SIM1: variants seen among roughly 807,000 people sequenced by gnomAD.
The protein encoded by SIM1 is single-minded homolog 1.
Under a neutral mutation model 78.2 loss-of-function variants are expected in SIM1, and 18 were observed. The observed-to-expected ratio is 0.23, with a 90% confidence interval of 0.16 to 0.34. The LOEUF (loss-of-function observed/expected upper bound fraction) is 0.34. Among genes scored for constraint, SIM1 ranks in the 10% least tolerant of loss-of-function variants. The probability of loss-of-function intolerance (pLI) is 1.00; values close to 1 mark genes in which losing one functional copy is unlikely to be tolerated. For missense variants in SIM1, 939 were observed against 975.1 expected, an observed-to-expected ratio of 0.96 and a Z score of 0.49; for synonymous variants, 417 against 385.2, an observed-to-expected ratio of 1.08 and a Z score of -0.97.
intron 9 of SIM1, among the ~76,000 whole-genome samples, chr6:100,421,840 C>G (rs1228911117): frequency 1.3e-5 from 2 of 152,094 alleles, no homozygotes; most frequent in African/African-American, 4.8e-5. Flanking sequence ...CACTGGCAGC[C>G]AAAATAAAAT....
At chr6:100,441,558 A>G (rs1772217076) in intron 9 of SIM1, among the ~76,000 whole-genome samples, 2 of 152,252 alleles carry the variant, frequency 1.3e-5, no homozygotes, top group South Asian at 4.1e-4. Context: ...AAAACATAAA[A>G]TGTTAAATCT....
At chr6:100,401,184 ACAAACT>A (rs1446568694) in intron 10 of SIM1, among the ~76,000 whole-genome samples, 6 of 152,186 alleles carry the variant, frequency 3.9e-5, no homozygotes, top group Non-Finnish European at 8.8e-5. Context: ...GAATAAGCAC[ACAAACT>A]CAAACTGAAG....
At chr6:100,393,981 A>G (rs1400703851) in intron 10 of SIM1, 92 bp from the exon 11 acceptor site, 2 of 1,330,800 alleles carry the variant, frequency 1.5e-6, no homozygotes, top group African/African-American at 2.9e-5. Flanking sequence ...TATTTACTCT[A>G]CAAGCACCCT....
chr6:100,435,657 CA>C (rs1318673796), intron 9 of SIM1, among the ~76,000 whole-genome samples: 1 of 151,602 alleles, frequency 6.6e-6, no homozygotes, highest in Non-Finnish European at 1.5e-5. Context: ...AAAAAAGAAG[CA>C]AAAAAAATTA....
intron 10 of SIM1, among the ~76,000 whole-genome samples, chr6:100,403,925 G>T (rs188528488): frequency 6.6e-6 from 1 of 152,278 alleles, no homozygotes; most frequent in East Asian, 1.9e-4. Context: ...GCATGATTAT[G>T]AAGTTTAAGA....
At chr6:100,459,414 G>C (rs1004697652) in intron 2 of SIM1, among the ~76,000 whole-genome samples, 1 of 152,142 alleles carries the variant, frequency 6.6e-6, no homozygotes, top group African/African-American at 2.4e-5. Flanking sequence ...AGGGTAAACT[G>C]TGCTTAAAGG....
intron 9 of SIM1, among the ~76,000 whole-genome samples, chr6:100,440,371 A>G (rs1772176994): frequency 6.6e-6 from 1 of 152,208 alleles, no homozygotes; most frequent in Non-Finnish European, 1.5e-5. Flanking sequence ...GATTGCTTGG[A>G]AAATGATACT....
At chr6:100,435,802 G>T (rs1367145185) in intron 9 of SIM1, among the ~76,000 whole-genome samples, 4 of 151,916 alleles carry the variant, frequency 2.6e-5, no homozygotes, top group Admixed American at 1.3e-4. Context: ...CCAAAATTTT[G>T]AAAAATCCCA....
rs778944750 is a variant in SIM1 at position 100,450,694 on chromosome 6, T to TCACA, written c.259-339_259-338insTGTG. ...CTCTCTCTCTCTCTCTCTCTCTCTC[T>TCACA]CTCACACACACACACACACACACAC... On this transcript the variant is annotated intron_variant, in intron 3 of 11. Transcript: ENST00000369208. Among the ~76,000 whole-genome samples the TCACA allele has an allele frequency of 6.4e-3, 594 of 93,260 alleles. 1 individual carries two copies. Among genetic ancestry groups the TCACA allele is most frequent in the East Asian group, 0.025 (79 of 3,212 alleles). The allele number at this position is 93,260 out of a possible 152,430, so 61.2% of individuals were successfully genotyped here. A position where few individuals can be genotyped will look rare whatever the true frequency, so the allele number is the denominator to read the frequency against.
At chr6:100,411,340 C>T (rs565116013) in intron 10 of SIM1, among the ~76,000 whole-genome samples, 6 of 152,346 alleles carry the variant, frequency 3.9e-5, no homozygotes, top group African/African-American at 1.4e-4. Flanking sequence ...CAGTTCAGGA[C>T]TGGAAACCCT....
At chr6:100,396,846 G>A (rs1007342122) in intron 10 of SIM1, among the ~76,000 whole-genome samples, 1 of 152,148 alleles carries the variant, frequency 6.6e-6, no homozygotes, top group Non-Finnish European at 1.5e-5. Context: ...AAGAGAGGAA[G>A]GCAGCCAGCC....
chr6:100,436,765 C>T (rs1389952429), intron 9 of SIM1, among the ~76,000 whole-genome samples: 1 of 138,624 alleles, frequency 7.2e-6, no homozygotes. Flanking sequence ...TTTGAGATGG[C>T]CTCTTGCTCT....
At chr6:100,424,507 C>G (rs1771674208) in intron 9 of SIM1, among the ~76,000 whole-genome samples, 1 of 152,138 alleles carries the variant, frequency 6.6e-6, no homozygotes, top group African/African-American at 2.4e-5. Flanking sequence ...GCAATCTCGG[C>G]TCACTGCAGC....
chr6:100,449,745 G>A (rs755709998), intron 4 of SIM1, 46 bp from the exon 5 acceptor site: 132 of 1,498,042 alleles, frequency 8.8e-5, no homozygotes, highest in Non-Finnish European at 1.1e-4. Context: ...TGGAATGCCC[G>A]GTGAAGGGAC....
At chr6:100,457,584 A>G (rs892140323) in intron 2 of SIM1, among the ~76,000 whole-genome samples, 1 of 152,238 alleles carries the variant, frequency 6.6e-6, no homozygotes, top group Non-Finnish European at 1.5e-5. Flanking sequence ...TGAGGCGTCG[A>G]GTGGCCTTCG....
At chr6:100,453,690 T>C (rs1182709327) in intron 3 of SIM1, 72 bp downstream of exon 3, 3 of 1,043,722 alleles carry the variant, frequency 2.9e-6, no homozygotes, top group Non-Finnish European at 4.2e-6. Flanking sequence ...TCTGAGAAAC[T>C]AAAAGCTCAA....
intron 9 of SIM1, among the ~76,000 whole-genome samples, chr6:100,423,315 C>T (rs1771643068): frequency 6.6e-6 from 1 of 152,188 alleles, no homozygotes; most frequent in Admixed American, 6.5e-5. Context: ...TCCCACTTGC[C>T]TCTATGAAGC....
In SIM1 at chr6:100,449,637, C is replaced by G; in HGVS notation, c.411G>C (p.Thr137=). Residue 137 remains threonine, a synonymous_variant, in exon 5 of 12, where the codon ACG becomes ACC. Coordinates refer to ENST00000369208, the MANE Select transcript of SIM1 (RefSeq NM_005068.3). ...YIHPADHDEM[T]AVLTAHQPYH... Reference sequence around the variant, plus strand: ...AGGGTTGATGGGCGGTGAGCACCGCCGTCATCTCGTCGTGGTCTGCCGGGT... The same window carrying G: ...AGGGTTGATGGGCGGTGAGCACCGCGGTCATCTCGTCGTGGTCTGCCGGGT... The G allele has an allele frequency of 8.7e-6, 14 of 1,614,148 alleles. No individual in the cohort carries two copies. Among genetic ancestry groups the G allele is most frequent in the Non-Finnish European group, 1.2e-5 (14 of 1,180,044 alleles).
chr6:100,437,358 G>A (rs1371035237), intron 9 of SIM1: 1 of 152,036 alleles, frequency 6.6e-6, no homozygotes, highest in Non-Finnish European at 1.5e-5. Flanking sequence ...CTGCAAATCT[G>A]GAACCAGCTG....
Sources: gnomAD v4.1 joint callset for allele counts (sites outside exome capture counted in the v4.1 genomes callset) on GRCh38, gnomAD v4.1.1 for gene constraint, MANE v1.5 for transcripts, NCBI Gene and HGNC (gene_info 2026-07-23, HGNC 2026-07-21) for gene names.